The following SLC8A3 variants were observed in gnomAD, a reference collection of about 807,000 sequenced individuals.
SLC8A3 encodes solute carrier family 8 member A3, also known as sodium/calcium exchanger 3.
A neutral mutation model predicts 65.4 loss-of-function variants in SLC8A3; 37 were observed. That is an observed-to-expected ratio of 0.57 (90% confidence interval 0.44 to 0.74). The LOEUF (loss-of-function observed/expected upper bound fraction) is 0.74, where lower values mean the gene tolerates loss of function less well. SLC8A3 is among the 30% of genes least tolerant of loss of function. SLC8A3 has a pLI of 0.00. For missense variants in SLC8A3, 1,112 were observed against 1,172.1 expected (o/e 0.95, Z 0.75); for synonymous variants, 461 against 444.5 (o/e 1.04, Z -0.47).
chr14:70,056,338 A>G (rs1888112607), intron 3 of SLC8A3, among the ~76,000 whole-genome samples: 1 of 152,198 alleles, frequency 6.6e-6, no homozygotes, highest in African/African-American at 2.4e-5. Flanking sequence ...TATGTCTTCC[A>G]TCCCTAACGA....
At chr14:70,143,357 T>TCACTAAGTAGG in intron 2 of SLC8A3, among the ~76,000 whole-genome samples, 2 of 152,114 alleles carry the variant, frequency 1.3e-5, no homozygotes, top group African/African-American at 4.8e-5. Context: ...TTGCCTGAGG[T>TCACTAAGTAGG]CACTAAGTAG....
intron 2 of SLC8A3, among the ~76,000 whole-genome samples, chr14:70,092,372 C>T (rs1023095290): frequency 6.6e-6 from 1 of 152,138 alleles, no homozygotes; most frequent in East Asian, 1.9e-4. Flanking sequence ...CATGGATCCC[C>T]ACCCTGCCCC....
At chr14:70,049,464 C>T (rs1887210670) in intron 5 of SLC8A3, among the ~76,000 whole-genome samples, 1 of 152,148 alleles carries the variant, frequency 6.6e-6, no homozygotes, top group Non-Finnish European at 1.5e-5. Flanking sequence ...AGAGGAACAT[C>T]ACACACTGGA....
intron 1 of SLC8A3, among the ~76,000 whole-genome samples, chr14:70,171,368 C>G (rs544646783): frequency 6.6e-6 from 1 of 152,304 alleles, no homozygotes; most frequent in Admixed American, 6.5e-5. Flanking sequence ...GGATGACGGT[C>G]TTTGTTTTCC....
chr14:70,157,220 T>C (rs551063354), intron 2 of SLC8A3, among the ~76,000 whole-genome samples: 1 of 152,302 alleles, frequency 6.6e-6, no homozygotes, highest in Admixed American at 6.5e-5. Context: ...TTAGAATGTG[T>C]GCCAGTTTGG....
At chr14:70,134,735 G>A (rs952713487) in intron 2 of SLC8A3, among the ~76,000 whole-genome samples, 1 of 152,130 alleles carries the variant, frequency 6.6e-6, no homozygotes, top group Non-Finnish European at 1.5e-5. Context: ...TCACACAGCG[G>A]TCTTTAAAGC....
chr14:70,086,557 A>G (rs2140033425), intron 2 of SLC8A3, among the ~76,000 whole-genome samples: 1 of 151,748 alleles, frequency 6.6e-6, no homozygotes, highest in South Asian at 2.1e-4. Flanking sequence ...GCCCGCCACC[A>G]CACTCGGCTA....
chr14:70,152,121 G>A (rs965938792), intron 2 of SLC8A3, among the ~76,000 whole-genome samples: 2 of 152,122 alleles, frequency 1.3e-5, no homozygotes, highest in African/African-American at 2.4e-5. Context: ...AGGAGGACTC[G>A]AGTAAACCTG....
chr14:70,083,511 A>G (rs745868510), intron 2 of SLC8A3, among the ~76,000 whole-genome samples: 7 of 152,222 alleles, frequency 4.6e-5, no homozygotes, highest in Non-Finnish European at 8.8e-5. Flanking sequence ...TCCAGAGACA[A>G]TTAACTCTAG....
chr14:70,147,936 A>G (rs947157251), intron 2 of SLC8A3, among the ~76,000 whole-genome samples: 9 of 152,210 alleles, frequency 5.9e-5, no homozygotes, highest in Non-Finnish European at 1.2e-4. Flanking sequence ...ACCTGCCTCC[A>G]AAGCTGATGC....
At chr14:70,130,872 C>T (rs749004545) in intron 2 of SLC8A3, among the ~76,000 whole-genome samples, 5 of 152,208 alleles carry the variant, frequency 3.3e-5, no homozygotes, top group Non-Finnish European at 7.3e-5. Flanking sequence ...GAGCCACTGG[C>T]ATGCCTATAA....
At chr14:70,050,789 T>C (rs1671962527) in intron 5 of SLC8A3, among the ~76,000 whole-genome samples, 1 of 152,188 alleles carries the variant, frequency 6.6e-6, no homozygotes, top group Non-Finnish European at 1.5e-5. Context: ...GAGGGTACAT[T>C]GTTCCAGTTC....
In SLC8A3 at chr14:70,046,019, G is replaced by T. The variant is rs368010189; in HGVS notation, c.2694C>A (p.Leu898=). ...PRGCKLATTW[L]FVSLWLLYIL... Reference sequence around the variant, plus strand: ...TGTAGAGGAGCCACAGGCTCACAAAGAGCCATGTTGTGGCGAGCTTGCAGC... The same window carrying T: ...TGTAGAGGAGCCACAGGCTCACAAATAGCCATGTTGTGGCGAGCTTGCAGC... Residue 898 remains leucine, a synonymous_variant, in exon 7 of 7, where the codon CTC becomes CTA. Coordinates refer to ENST00000356921, the MANE Select transcript of SLC8A3 (RefSeq NM_182932.3). This position sits in a 1 kb window ranked among gnomAD's most constrained non-coding sequence, Gnocchi z 4.2. 66 of 1,613,484 alleles carry T rather than the reference G, an allele frequency of 4.1e-5. No homozygotes were observed. In the African/African-American group the frequency reaches 7.5e-4, roughly 18 times the overall value.
In SLC8A3 at chr14:70,147,057, C is replaced by T. The variant is rs532761503; in HGVS notation, c.1784+19582G>A. 1.1e-4 allele frequency among the ~76,000 whole-genome samples: 17 copies of T among 152,262 alleles called. 1 individual carries two copies. Among genetic ancestry groups the T allele is most frequent in the African/African-American group, 3.6e-4 (15 of 41,542 alleles). ...AGCAACGCTTTAGGATTCACTCATT[C>T]GGAGTTTGTGCTAACTTTATGGAAC... On this transcript the variant is annotated intron_variant, in intron 2 of 6. Transcript: ENST00000356921.
upstream of SLC8A3, among the ~76,000 whole-genome samples, chr14:70,189,276 C>G (rs1883619167): frequency 6.6e-6 from 1 of 152,138 alleles, no homozygotes; most frequent in Non-Finnish European, 1.5e-5. Flanking sequence ...GCCTCCCGGC[C>G]GGCAGCACGT....
intron 2 of SLC8A3, among the ~76,000 whole-genome samples, chr14:70,062,743 C>T (rs1888953941): frequency 6.6e-6 from 1 of 152,196 alleles, no homozygotes; most frequent in Admixed American, 6.5e-5. Flanking sequence ...AAAGAGAAAG[C>T]TCATTGATTG....
At chr14:70,102,807 T>A (rs1334506448) in intron 2 of SLC8A3, among the ~76,000 whole-genome samples, 1 of 152,056 alleles carries the variant, frequency 6.6e-6, no homozygotes, top group Non-Finnish European at 1.5e-5. Context: ...GTCTTAGTGA[T>A]CTATGGGACA....
At chr14:70,064,809 C>G (rs1428593160) in intron 2 of SLC8A3, among the ~76,000 whole-genome samples, 1 of 152,196 alleles carries the variant, frequency 6.6e-6, no homozygotes, top group Non-Finnish European at 1.5e-5. Context: ...TTTAAAAATA[C>G]ATGCCAATTT....
chr14:70,120,046 C>T (rs946093518), intron 2 of SLC8A3, among the ~76,000 whole-genome samples: 1 of 152,160 alleles, frequency 6.6e-6, no homozygotes, highest in African/African-American at 2.4e-5. Flanking sequence ...AGTGCCAAAC[C>T]TCCCCCCTCT....
Sources: allele counts gnomAD v4.1 joint callset (sites outside exome capture counted in the v4.1 genomes callset), GRCh38; gene constraint gnomAD v4.1.1; non-coding constraint Gnocchi (gnomAD v3.1); transcripts MANE v1.5; gene names NCBI Gene and HGNC (gene_info 2026-07-23, HGNC 2026-07-21).